The following HMGN5 variants were observed in gnomAD, a reference collection of about 807,000 sequenced individuals.
HMGN5 encodes the protein high mobility group nucleosome binding domain 5, also known as high mobility group nucleosome-binding domain-containing protein 5.
Under a neutral mutation model 9.5 loss-of-function variants are expected in HMGN5, and 4 were observed. That is an observed-to-expected ratio of 0.42 (90% CI 0.21 to 0.96). HMGN5 has a LOEUF of 0.96. HMGN5 is among the 40% of genes least tolerant of loss of function. The pLI is 0.30. For synonymous variants in HMGN5, 55 were observed against 57.1 expected (o/e 0.96, Z 0.16); for missense variants, 192 against 187.5 (o/e 1.02, Z -0.14).
chrX:81,139,002 T>C (rs1170968475), intron 1 of HMGN5, among the ~76,000 whole-genome samples: 1 of 112,040 alleles, frequency 8.9e-6, no homozygotes, highest in Non-Finnish European at 1.9e-5. Flanking sequence ...CATATCACGC[T>C]CACAGAATGA....
chrX:81,155,824 G>T (rs762838187), intron 1 of HMGN5, among the ~76,000 whole-genome samples: 14 of 111,744 alleles, frequency 1.3e-4, no homozygotes, highest in Non-Finnish European at 2.6e-4. Flanking sequence ...AATGGAGTTG[G>T]TTTGTATCTA....
In HMGN5 at chrX:81,185,989, T is replaced by G. The variant is rs766993002; in HGVS notation, c.-124+15748A>C. Among the ~76,000 whole-genome samples, 103 of 112,115 alleles carry G rather than the reference T, an allele frequency of 9.2e-4. 1 individual carries two copies. In the Admixed American group the frequency reaches 9.5e-3, roughly 10 times the overall value. Reference sequence around the variant, plus strand: ...CCTACTTGGTGATCATGAATGATATTTTTAATGTGTGATTGAATTCAGTTT... The same window carrying G: ...CCTACTTGGTGATCATGAATGATATGTTTAATGTGTGATTGAATTCAGTTT... On this transcript the variant is annotated intron_variant, in intron 1 of 6. Transcript: ENST00000358130.
chrX:81,114,058 C>G lies in HMGN5; in HGVS notation c.*591G>C, dbSNP rs1383851465. ...ACTAGCTATATTTTTGAAGATATAA[C>G]AAAACACAATCATCGTCAGAGTCTT... On this transcript the variant is annotated 3_prime_UTR_variant, in exon 7 of 7. Transcript: ENST00000358130. 6 of 111,650 alleles carry G rather than the reference C, an allele frequency of 5.4e-5. No homozygotes were observed. The highest frequency in any genetic ancestry group is 1.9e-4 in the African/African-American group (6 of 30,780). 9.2% of individuals were successfully genotyped at this position (111,650 alleles called of 1,213,427 possible). A position where few individuals can be genotyped will look rare whatever the true frequency, so the allele number is the denominator to read the frequency against.
At position 81,118,430 on chromosome X, in the gene HMGN5, A is replaced by T; in HGVS notation, c.129+2T>A. 8.7e-7 allele frequency: 1 copy of T among 1,145,033 alleles called. No homozygotes were observed. The highest frequency in any genetic ancestry group is 1.2e-6 in the Non-Finnish European group (1 of 846,449). The allele number at this position is 1,145,033 out of a possible 1,213,427, so 94.4% of individuals were successfully genotyped here. The stretch of plus-strand genomic sequence containing the variant: ...TTTCAATATTCTACGTTGAATATTT[A>T]CCCTTGAACTTGATGTTCTTTTAGG... On this transcript the variant is annotated splice_donor_variant, in intron 5 of 6. Transcript: ENST00000358130. LOFTEE classifies it high-confidence loss of function.
intron 1 of HMGN5, among the ~76,000 whole-genome samples, chrX:81,135,399 T>C (rs2075308481): frequency 9.0e-6 from 1 of 111,480 alleles, no homozygotes; most frequent in Admixed American, 9.5e-5. Context: ...TACACAGATG[T>C]TTGTATAGGC....
At chrX:81,151,020 C>G (rs2075360472) in intron 1 of HMGN5, among the ~76,000 whole-genome samples, 1 of 111,676 alleles carries the variant, frequency 9.0e-6, no homozygotes, top group South Asian at 3.7e-4. Context: ...GTGCTGAATT[C>G]TATGAAAAAT....
At chrX:81,160,647 T>C (rs1432098631) in intron 1 of HMGN5, among the ~76,000 whole-genome samples, 1 of 111,724 alleles carries the variant, frequency 9.0e-6, no homozygotes, top group Non-Finnish European at 1.9e-5. Flanking sequence ...CTGTGTTAGT[T>C]TGCTGAAGAT....
chrX:81,154,705 A>C (rs1247851151), intron 1 of HMGN5, among the ~76,000 whole-genome samples: 1 of 111,304 alleles, frequency 9.0e-6, no homozygotes, highest in Non-Finnish European at 1.9e-5. Flanking sequence ...AAAATGAGCA[A>C]AAGATTAGAA....
chrX:81,123,476 A>G (rs2075274748), intron 1 of HMGN5, among the ~76,000 whole-genome samples: 2 of 112,021 alleles, frequency 1.8e-5, no homozygotes, highest in African/African-American at 6.5e-5. Flanking sequence ...GAACTTAAAT[A>G]TGTTTCAATC....
chrX:81,118,307 GAATAT>G (rs1284474008), intron 5 of HMGN5, 120 bp downstream of exon 5: 1 of 401,168 alleles, frequency 2.5e-6, no homozygotes, highest in East Asian at 4.3e-5. Context: ...TCATATGATA[GAATAT>G]AATATATTAC....
intron 1 of HMGN5, among the ~76,000 whole-genome samples, chrX:81,146,659 G>A (rs1344919493): frequency 1.8e-5 from 2 of 111,770 alleles, no homozygotes; most frequent in African/African-American, 6.5e-5. Flanking sequence ...GAGCAGAACT[G>A]ATGGAGATAG....
chrX:81,148,855 T>C (rs1368691223), intron 1 of HMGN5, among the ~76,000 whole-genome samples: 1 of 112,152 alleles, frequency 8.9e-6, no homozygotes, highest in Non-Finnish European at 1.9e-5. Flanking sequence ...ACAAAATTTA[T>C]GCAGCCAACA....
intron 1 of HMGN5, among the ~76,000 whole-genome samples, chrX:81,163,484 C>G (rs1218683325): frequency 1.8e-5 from 2 of 111,976 alleles, no homozygotes; most frequent in African/African-American, 6.5e-5. Flanking sequence ...GTAGAATGTT[C>G]TACTGGACAG....
At chrX:81,190,092 T>C (rs1307126259) in intron 1 of HMGN5, among the ~76,000 whole-genome samples, 2 of 112,252 alleles carry the variant, frequency 1.8e-5, no homozygotes, top group Admixed American at 1.9e-4. Context: ...TGTTTTCTTA[T>C]TGTTGAGTTT....
chrX:81,133,006 A>G (rs2075301953), intron 1 of HMGN5, among the ~76,000 whole-genome samples: 1 of 111,930 alleles, frequency 8.9e-6, no homozygotes. Flanking sequence ...AAATAAATTT[A>G]GAAGAAATAA....
At chrX:81,169,721 A>G (rs2147634115) in intron 1 of HMGN5, among the ~76,000 whole-genome samples, 1 of 111,291 alleles carries the variant, frequency 9.0e-6, no homozygotes, top group African/African-American at 3.3e-5. Context: ...AAACAAAGAT[A>G]TCCCTCCTAG....
rs189846607 is a variant in HMGN5, at chrX:81,117,580, A to G, written c.129+852T>C. Among the ~76,000 whole-genome samples, 565 of 111,184 alleles carry G rather than the reference A, an allele frequency of 5.1e-3. 4 individuals carry two copies. The highest frequency in any genetic ancestry group is 6.5e-3 in the Non-Finnish European group (347 of 53,060). ...TTTTAAAAGAAAATATGCTGTATTT[A>G]CTGTTTTAAAAACTAGTAAGTTGAA... is the stretch of plus-strand genomic sequence containing the variant. On this transcript the variant is annotated intron_variant, in intron 5 of 6. Coordinates refer to ENST00000358130, the MANE Select transcript of HMGN5 (RefSeq NM_030763.3).
At chrX:81,123,533 A>G (rs941776146) in intron 1 of HMGN5, among the ~76,000 whole-genome samples, 3 of 112,094 alleles carry the variant, frequency 2.7e-5, no homozygotes, top group African/African-American at 6.5e-5. Flanking sequence ...ATTGATTTTA[A>G]TATAAGGATT....
At chrX:81,180,802 A>G (rs2075460611) in intron 1 of HMGN5, among the ~76,000 whole-genome samples, 1 of 111,838 alleles carries the variant, frequency 8.9e-6, no homozygotes, top group African/African-American at 3.3e-5. Flanking sequence ...AACTAACCCT[A>G]ATGTCCATCA....
Sources: gnomAD v4.1 joint callset for allele counts (sites outside exome capture counted in the v4.1 genomes callset) on GRCh38, gnomAD v4.1.1 for gene constraint, MANE v1.5 for transcripts, NCBI Gene and HGNC (gene_info 2026-07-23, HGNC 2026-07-21) for gene names.